The following NFIC variants were observed in gnomAD, a reference collection of about 807,000 sequenced individuals.
The protein encoded by NFIC is nuclear factor I C, also known as nuclear factor 1 C-type.
In NFIC, 12 loss-of-function variants were observed where a neutral mutation model predicts 54.4. That is an observed-to-expected ratio of 0.22 (90% CI 0.14 to 0.36). The LOEUF (loss-of-function observed/expected upper bound fraction) is 0.36, where lower values mean the gene tolerates loss of function less well. NFIC is among the 10% of genes least tolerant of loss of function. NFIC has a pLI of 1.00. For missense variants in NFIC, 575 were observed against 718.2 expected, an observed-to-expected ratio of 0.80 and a Z score of 2.28; for synonymous variants, 322 against 319.2, an observed-to-expected ratio of 1.01 and a Z score of -0.09.
intron 6 of NFIC, among the ~76,000 whole-genome samples, chr19:3,441,175 C>T (rs537154588): frequency 6.6e-6 from 1 of 152,312 alleles, no homozygotes; most frequent in East Asian, 1.9e-4. Context: ...AGGTGCCTGG[C>T]AGGCACCTCA....
At chr19:3,379,673 C>CTTTTTTTTTTTTTTTTTTTTTTTT (rs370082450) in intron 1 of NFIC, among the ~76,000 whole-genome samples, 1 of 102,538 alleles carries the variant, frequency 9.8e-6, no homozygotes, top group Admixed American at 1.1e-4. Context: ...TTATTTCTTT[C>CTTTTTTTTTTTTTTTTTTTTTTTT]TTTTTTTTTT....
chr19:3,381,922 C>T lies in NFIC; in HGVS notation c.241C>T (p.Arg81Cys). 1 of 1,613,700 alleles carries T rather than the reference C, an allele frequency of 6.2e-7. No homozygotes were observed. The highest frequency in any genetic ancestry group is 8.5e-7 in the Non-Finnish European group (1 of 1,179,946). Residue 81 changes from arginine (R) to cysteine (C), a missense_variant, in exon 2 of 11, where the codon CGC (arginine) becomes TGC (cysteine). Arg to Cys is a radical substitution (Grantham distance 180, BLOSUM62 -3). This residue lies in a region of NFIC where 122 missense variants were observed against 158.0 expected (regional missense o/e 0.77). Transcript: ENST00000443272. ...GGCGTCGCGGCTGCTGGCCAAGCTG[C>T]GCAAGGACATCCGGCCCGAGTGCCG... ...KWASRLLAKL[R>C]KDIRPECRED...
upstream of NFIC, among the ~76,000 whole-genome samples, chr19:3,362,005 G>A (rs117300545): frequency 0.017 from 2,621 of 152,230 alleles, 31 homozygotes; most frequent in Middle Eastern, 0.027. Flanking sequence ...ACACACTCAC[G>A]GACACAAACA....
intron 2 of NFIC, among the ~76,000 whole-genome samples, chr19:3,383,314 G>A (rs907138777): frequency 1.4e-4 from 22 of 152,154 alleles, no homozygotes; most frequent in Non-Finnish European, 1.2e-4. Context: ...AATCCAAGGC[G>A]GCTTCCCAGA....
At chr19:3,434,052 A>G (rs1288700892) in intron 4 of NFIC, among the ~76,000 whole-genome samples, 1 of 152,174 alleles carries the variant, frequency 6.6e-6, no homozygotes, top group Non-Finnish European at 1.5e-5. Context: ...CCTGGCCTCC[A>G]GCTTTGGCTA....
In NFIC at chr19:3,369,269, T is replaced by A. The variant is rs1422746245; in HGVS notation, c.30+2603T>A. Reference sequence around the variant, plus strand: ...TCTCTGTTTCTCTCCAATATGTCTGTCTGTCTCTTCATCTCTGTCTCACCT... The same window carrying A: ...TCTCTGTTTCTCTCCAATATGTCTGACTGTCTCTTCATCTCTGTCTCACCT... On this transcript the variant is annotated intron_variant, in intron 1 of 10. Coordinates refer to ENST00000443272, the MANE Select transcript of NFIC (RefSeq NM_001245002.2). This position sits in a 1 kb window ranked among gnomAD's most constrained non-coding sequence, Gnocchi z 4.3. Among the ~76,000 whole-genome samples, 1 of 151,784 alleles carries A rather than the reference T, an allele frequency of 6.6e-6. No homozygotes were observed. Among genetic ancestry groups the A allele is most frequent in the Non-Finnish European group, 1.5e-5 (1 of 67,806 alleles).
chr19:3,461,945 T>C (rs893865621), intron 10 of NFIC, among the ~76,000 whole-genome samples: 9 of 151,576 alleles, frequency 5.9e-5, no homozygotes, highest in African/African-American at 2.2e-4. Context: ...TCCCAGCTAC[T>C]CGGGAGGCTG....
chr19:3,425,149 C>T lies in NFIC; in HGVS notation c.606C>T (p.Asp202=), dbSNP rs2082008085. The T allele has an allele frequency of 6.2e-7, 1 of 1,612,672 alleles. No homozygotes were observed. The highest frequency in any genetic ancestry group is 1.3e-5 in the African/African-American group (1 of 74,954). The change falls in exon 3 of 11, where the codon GAC becomes GAT. Residue 202 remains aspartate, a synonymous_variant. Transcript: ENST00000443272. ...SGSPRTGMGS[D]QEDSKPITLD... is the part of the protein sequence containing the mutation. ...GTCCCCGGACAGGGATGGGCTCTGA[C>T]CAGGAGGACAGCAAGCCCATCACGC...
chr19:3,383,140 G>GGAGA (rs33979286), intron 2 of NFIC, among the ~76,000 whole-genome samples: 25,292 of 151,916 alleles, frequency 0.17, 2,556 homozygotes, highest in East Asian at 0.41. Context: ...AGCCCTCCGA[G>GGAGA]GAGAGCCAAG....
intron 1 of NFIC, among the ~76,000 whole-genome samples, chr19:3,380,363 G>A (rs1361160783): frequency 2.8e-5 from 3 of 105,796 alleles, no homozygotes; most frequent in Non-Finnish European, 5.4e-5. Flanking sequence ...TGGCACCCAG[G>A]CTCCCAGGCT....
rs934145900 is a variant in NFIC, at chr19:3,370,379, G to C, written c.30+3713G>C. Among the ~76,000 whole-genome samples the C allele has an allele frequency of 3.3e-5, 5 of 151,944 alleles. No individual in the cohort carries two copies. Among genetic ancestry groups the C allele is most frequent in the Admixed American group, 6.5e-5 (1 of 15,274 alleles). Reference sequence around the variant, plus strand: ...TGGGTCTCTCTGTGCATCTCTCTCTGTTTCTCCCCCTCCCCTCTCTGCGGC... The same window carrying C: ...TGGGTCTCTCTGTGCATCTCTCTCTCTTTCTCCCCCTCCCCTCTCTGCGGC... On this transcript the variant is annotated intron_variant, in intron 1 of 10. Transcript: ENST00000443272. This position sits in a 1 kb window ranked among gnomAD's most constrained non-coding sequence, Gnocchi z 5.2.
At chr19:3,460,736 A>G (rs1489954903) in intron 10 of NFIC, among the ~76,000 whole-genome samples, 1 of 151,168 alleles carries the variant, frequency 6.6e-6, no homozygotes, top group Non-Finnish European at 1.5e-5. Context: ...CTGGTCTCGA[A>G]CCCCTGACCT....
At position 3,373,161 on chromosome 19, in the gene NFIC, C is replaced by T. The variant is rs540931205; in HGVS notation, c.30+6495C>T. On this transcript the variant is annotated intron_variant, in intron 1 of 10. Transcript: ENST00000443272. Reference sequence around the variant, plus strand: ...CGCCCGGCCCCTATTTCGTAGTAGACGTGATAGCTCAGCAAACGCTCAGCC... The same window carrying T: ...CGCCCGGCCCCTATTTCGTAGTAGATGTGATAGCTCAGCAAACGCTCAGCC... Among the ~76,000 whole-genome samples, 22 of 152,226 alleles carry T rather than the reference C, an allele frequency of 1.4e-4. No homozygotes were observed. The South Asian group carries it at 3.7e-3, about 26-fold the overall frequency.
chr19:3,379,633 A>T (rs1599573785), intron 1 of NFIC, among the ~76,000 whole-genome samples: 1 of 149,836 alleles, frequency 6.7e-6, no homozygotes, highest in Non-Finnish European at 1.5e-5. Flanking sequence ...GGCGTGAGCC[A>T]CTGCGCCCAG....
In NFIC at chr19:3,453,677, T is replaced by C; in HGVS notation, c.1270-86T>C. On this transcript the variant is annotated intron_variant, in intron 8 of 10. Coordinates refer to ENST00000443272, the MANE Select transcript of NFIC (RefSeq NM_001245002.2). The surrounding 1 kb of genome is among the most constrained non-coding windows in gnomAD (Gnocchi z 6.7). ...CCAGCCTGCCACCCCGTCCGGGCCG[T>C]GCACAGAGCCGGGGGCGGCCGGCGC... 4.0e-6 allele frequency: 6 copies of C among 1,494,922 alleles called. No individual in the cohort carries two copies. Among genetic ancestry groups the C allele is most frequent in the Middle Eastern group, 1.7e-4 (1 of 5,754 alleles). The allele number at this position is 1,494,922 out of a possible 1,614,324, so 92.6% of individuals were successfully genotyped here.
In NFIC at chr19:3,469,124, G is replaced by C. The variant is rs1033904894; in HGVS notation, c.*6355G>C. 1.3e-5 allele frequency: 2 copies of C among 151,424 alleles called. No individual in the cohort carries two copies. Among genetic ancestry groups the C allele is most frequent in the Admixed American group, 6.6e-5 (1 of 15,210 alleles). The allele number at this position is 151,424 out of a possible 1,614,324, so 9.4% of individuals were successfully genotyped here. A position where few individuals can be genotyped will look rare whatever the true frequency, so the allele number is the denominator to read the frequency against. ...AAAAAAAAAATGAAAATGAAAAAAG[G>C]GGGATTCCATAAAAGATTCAATAAA... On this transcript the variant is annotated 3_prime_UTR_variant, in exon 11 of 11. Coordinates refer to ENST00000443272, the MANE Select transcript of NFIC (RefSeq NM_001245002.2).
chr19:3,366,779 C>A (rs2080895201), intron 1 of NFIC, 113 bp downstream of exon 1: 1 of 750,448 alleles, frequency 1.3e-6, no homozygotes, highest in Non-Finnish European at 1.9e-6. Context: ...CTCCCGCCAT[C>A]CCTGCCCGGG....
At chr19:3,431,473 A>G (rs1391719800) in intron 3 of NFIC, among the ~76,000 whole-genome samples, 1 of 135,856 alleles carries the variant, frequency 7.4e-6, no homozygotes, top group Non-Finnish European at 1.5e-5. Context: ...GGCTCGAGCT[A>G]TCCTCCCGCC....
chr19:3,426,575 C>T (rs1242334382), intron 3 of NFIC, among the ~76,000 whole-genome samples: 2 of 152,204 alleles, frequency 1.3e-5, no homozygotes, highest in Non-Finnish European at 2.9e-5. Context: ...GCCCGTCCCT[C>T]CTCTGCGCAC....
Sources: gnomAD v4.1 joint callset for allele counts (sites outside exome capture counted in the v4.1 genomes callset) on GRCh38, gnomAD v4.1.1 for gene constraint, gnomAD v4.1.1 regional missense constraint, Gnocchi (gnomAD v3.1) non-coding constraint, MANE v1.5 for transcripts, NCBI Gene and HGNC (gene_info 2026-07-23, HGNC 2026-07-21) for gene names.